The following GRAMD1C variants were observed in gnomAD, a reference collection of about 807,000 sequenced individuals.
GRAMD1C encodes the protein GRAM domain containing 1C.
Under a neutral mutation model 97.8 loss-of-function variants are expected in GRAMD1C, and 89 were observed. The observed-to-expected ratio is 0.91, with a 90% CI of 0.77 to 1.09. The LOEUF (loss-of-function observed/expected upper bound fraction) is 1.09, where lower values mean the gene tolerates loss of function less well. Ranked by LOEUF, GRAMD1C falls within the 50% of genes least tolerant of loss-of-function variation. GRAMD1C has a pLI of 0.00. For missense variants in GRAMD1C, 740 were observed against 766.4 expected (o/e 0.97, Z 0.41); for synonymous variants, 256 against 267.0 (o/e 0.96, Z 0.40).
chr3:113,888,673 T>G (rs1021060116), intron 6 of GRAMD1C, among the ~76,000 whole-genome samples: 1 of 152,216 alleles, frequency 6.6e-6, no homozygotes, highest in East Asian at 1.9e-4. Context: ...GAAAAAAAAT[T>G]TTTTAAATAC....
At chr3:113,873,239 G>A (rs1352807661) in intron 3 of GRAMD1C, among the ~76,000 whole-genome samples, 1 of 152,004 alleles carries the variant, frequency 6.6e-6, no homozygotes, top group African/African-American at 2.4e-5. Context: ...TAGCCTGGGC[G>A]ACAGAGCAAG....
At chr3:113,870,995 A>G (rs1934782494) in intron 3 of GRAMD1C, among the ~76,000 whole-genome samples, 1 of 75,934 alleles carries the variant, frequency 1.3e-5, no homozygotes, top group Non-Finnish European at 2.9e-5. Context: ...ACACACACAC[A>G]CACACACACA....
chr3:113,874,408 G>A (rs1934946315), intron 3 of GRAMD1C, among the ~76,000 whole-genome samples: 1 of 151,864 alleles, frequency 6.6e-6, no homozygotes, highest in South Asian at 2.1e-4. Context: ...GAGTGGAGTG[G>A]CACGATCTTG....
At chr3:113,913,763 A>G (rs1035831351) in intron 9 of GRAMD1C, among the ~76,000 whole-genome samples, 1 of 152,176 alleles carries the variant, frequency 6.6e-6, no homozygotes, top group African/African-American at 2.4e-5. Context: ...TGGACTTGTC[A>G]TATGTATTAA....
chr3:113,906,525 TG>T (rs749154971), intron 8 of GRAMD1C, among the ~76,000 whole-genome samples: 2 of 152,178 alleles, frequency 1.3e-5, no homozygotes, highest in Non-Finnish European at 2.9e-5. Context: ...AAAATATTTT[TG>T]TACAGCTGTC....
intron 10 of GRAMD1C, among the ~76,000 whole-genome samples, chr3:113,927,237 T>C (rs1937259653): frequency 6.6e-6 from 1 of 152,116 alleles, no homozygotes; most frequent in Admixed American, 6.6e-5. Flanking sequence ...TGGTTTGTAG[T>C]AGTGTTCTGG....
intron 2 of GRAMD1C, among the ~76,000 whole-genome samples, chr3:113,846,677 G>A (rs548941915): frequency 1.3e-5 from 2 of 152,216 alleles, no homozygotes; most frequent in South Asian, 2.1e-4. Context: ...CAGAATCTTG[G>A]GCCCAACCTC....
chr3:113,944,798 T>C lies in GRAMD1C; in HGVS notation c.1909-600T>C, dbSNP rs535034783. 2.6e-5 allele frequency among the ~76,000 whole-genome samples: 4 copies of C among 152,340 alleles called. No individual in the cohort carries two copies. The East Asian group carries it at 7.7e-4, about 29-fold the overall frequency. ...GTGATAGGCAAGCAACAAATATTTG[T>C]TGAATGAATACAAAAAAAGAGTAAG... On this transcript the variant is annotated intron_variant, in intron 17 of 17. Transcript: ENST00000358160.
chr3:113,844,500 C>T lies in GRAMD1C; in HGVS notation c.28-3C>T. ...ATTGACTTAGTTTGATATTTGTTTC[C>T]AGGTGATGAATGAAGGGGATTCAAG... On this transcript the variant is annotated splice_region_variant and splice_polypyrimidine_tract_variant and intron_variant, in intron 1 of 17. Transcript: ENST00000358160. 1 of 1,586,544 alleles carries T rather than the reference C, an allele frequency of 6.3e-7. No individual in the cohort carries two copies. The highest frequency in any genetic ancestry group is 1.1e-5 in the South Asian group (1 of 87,650).
At chr3:113,926,702 G>C (rs1937239625) in intron 10 of GRAMD1C, among the ~76,000 whole-genome samples, 1 of 152,060 alleles carries the variant, frequency 6.6e-6, no homozygotes, top group South Asian at 2.1e-4. Flanking sequence ...TGATGCCTGT[G>C]GGGGTTTGAT....
intron 1 of GRAMD1C, among the ~76,000 whole-genome samples, chr3:113,841,897 G>A (rs2712329): frequency 1 from 152,066 of 152,300 alleles, 75,917 homozygotes; most frequent in Middle Eastern, 1. Flanking sequence ...GGGCCTTGCT[G>A]TATTGCCCAG....
At chr3:113,917,428 A>C (rs1051127835) in intron 10 of GRAMD1C, among the ~76,000 whole-genome samples, 1 of 151,752 alleles carries the variant, frequency 6.6e-6, no homozygotes, top group Non-Finnish European at 1.5e-5. Context: ...GGTTCAAGCG[A>C]TTCTTGTGCC....
At chr3:113,896,989 A>G (rs1331181936) in intron 6 of GRAMD1C, among the ~76,000 whole-genome samples, 1 of 152,228 alleles carries the variant, frequency 6.6e-6, no homozygotes, top group African/African-American at 2.4e-5. Context: ...ATATTTTCAA[A>G]GAAAAGAATT....
intron 10 of GRAMD1C, chr3:113,920,175 C>A (rs916735058): frequency 1.4e-6 from 2 of 1,386,606 alleles, no homozygotes; most frequent in Non-Finnish European, 2.0e-6. Context: ...GAATCACAGG[C>A]ATCTGCTCAA....
At chr3:113,933,165 G>A (rs941889573) in intron 11 of GRAMD1C, among the ~76,000 whole-genome samples, 15 of 152,282 alleles carry the variant, frequency 9.9e-5, no homozygotes, top group South Asian at 2.1e-4. Context: ...GATTACAGGC[G>A]TGAGCCACTG....
chr3:113,898,016 C>A (rs1190002929), intron 6 of GRAMD1C, among the ~76,000 whole-genome samples: 1 of 152,002 alleles, frequency 6.6e-6, no homozygotes, highest in Non-Finnish European at 1.5e-5. Flanking sequence ...AACAAATTGG[C>A]AAATCTACAA....
chr3:113,915,531 T>C (rs1395143039), intron 9 of GRAMD1C, among the ~76,000 whole-genome samples, 170 bp from the exon 10 acceptor site: 1 of 152,220 alleles, frequency 6.6e-6, no homozygotes, highest in Non-Finnish European at 1.5e-5. Context: ...ATATATTTAA[T>C]TCCTATTTGG....
chr3:113,907,522 T>C (rs1399381509), intron 8 of GRAMD1C, among the ~76,000 whole-genome samples: 1 of 152,174 alleles, frequency 6.6e-6, no homozygotes, highest in Non-Finnish European at 1.5e-5. Flanking sequence ...TTTTTTTTTC[T>C]GTTTGCATTC....
rs1169026911 is a variant in GRAMD1C at position 113,915,770 on chromosome 3, G to A, written c.1022G>A (p.Arg341Lys). Reference protein sequence around the residue: ...INRIFHISADRMFELLFTSSR... With the variant: ...INRIFHISADKMFELLFTSSR... ...CGTATTTTTCATATCAGTGCTGACA[G>A]AATGTTTGAATTGCTCTTTACCAGT... The change falls in exon 10 of 18, where the codon AGA (arginine) becomes AAA (lysine). Residue 341 changes from arginine to lysine, a missense_variant. Transcript: ENST00000358160. 2 of 1,609,730 alleles carry A rather than the reference G, an allele frequency of 1.2e-6. No individual in the cohort carries two copies. The highest frequency in any genetic ancestry group is 3.3e-5 in the Admixed American group (2 of 59,970).
Sources: allele counts gnomAD v4.1 joint callset (sites outside exome capture counted in the v4.1 genomes callset), GRCh38; gene constraint gnomAD v4.1.1; transcripts MANE v1.5; gene names NCBI Gene and HGNC (gene_info 2026-07-23, HGNC 2026-07-21).